ROCK2: variants seen among roughly 807,000 people sequenced by gnomAD.
ROCK2 encodes the protein Rho associated coiled-coil containing protein kinase 2, also known as rho-associated protein kinase 2.
Under a neutral mutation model 195.1 loss-of-function variants are expected in ROCK2, and 61 were observed. That is an observed-to-expected ratio of 0.31 (90% CI 0.25 to 0.39). The LOEUF (loss-of-function observed/expected upper bound fraction) is 0.39, where lower values mean the gene tolerates loss of function less well. Among genes scored for constraint, ROCK2 ranks in the 10% least tolerant of loss-of-function variants. ROCK2 has a pLI of 1.00. For missense variants in ROCK2, 1,109 were observed against 1,637.4 expected (o/e 0.68, Z 5.57); for synonymous variants, 504 against 545.5 (o/e 0.92, Z 1.06).
intron 3 of ROCK2, among the ~76,000 whole-genome samples, chr2:11,262,633 C>T (rs146380738): frequency 0.014 from 2,204 of 152,208 alleles, 59 homozygotes; most frequent in African/African-American, 0.05. Context: ...TGCTGCCATC[C>T]ATGTAAGATG....
intron 5 of ROCK2, among the ~76,000 whole-genome samples, chr2:11,227,910 A>C (rs1003898611): frequency 1.3e-5 from 2 of 152,224 alleles, no homozygotes; most frequent in Non-Finnish European, 2.9e-5. Flanking sequence ...CAAATGTTTA[A>C]ATTAAAAGAT....
chr2:11,295,906 G>A (rs1480805425), intron 1 of ROCK2, among the ~76,000 whole-genome samples: 5 of 150,982 alleles, frequency 3.3e-5, no homozygotes, highest in East Asian at 2.0e-4. Context: ...GCAGTGAGCC[G>A]AGATCGCGCC....
intron 9 of ROCK2, among the ~76,000 whole-genome samples, chr2:11,219,861 CTTTTTT>C (rs11437412): frequency 2.5e-4 from 34 of 134,716 alleles, no homozygotes; most frequent in African/African-American, 8.8e-4. Flanking sequence ...CCAAAACTCA[CTTTTTT>C]TTTTTTTTTT....
intron 1 of ROCK2, among the ~76,000 whole-genome samples, chr2:11,327,609 C>A (rs955570359): frequency 1.3e-5 from 2 of 152,168 alleles, no homozygotes; most frequent in Non-Finnish European, 2.9e-5. Flanking sequence ...GTCACCCAGG[C>A]TAGAGTGCAA....
At chr2:11,304,728 A>G (rs1237998949) in intron 1 of ROCK2, among the ~76,000 whole-genome samples, 1 of 152,082 alleles carries the variant, frequency 6.6e-6, no homozygotes, top group Non-Finnish European at 1.5e-5. Context: ...CTCACCTCCC[A>G]TTACTTTCTG....
At chr2:11,232,676 A>G (rs1462391756) in intron 5 of ROCK2, among the ~76,000 whole-genome samples, 1 of 152,178 alleles carries the variant, frequency 6.6e-6, no homozygotes, top group Non-Finnish European at 1.5e-5. Flanking sequence ...AGTATTTGTT[A>G]AAGAACACCT....
At chr2:11,252,266 C>T (rs1403428960) in intron 3 of ROCK2, among the ~76,000 whole-genome samples, 1 of 151,962 alleles carries the variant, frequency 6.6e-6, no homozygotes, top group African/African-American at 2.4e-5. Context: ...CAAAAATTAG[C>T]TTGGCATGGT....
intron 27 of ROCK2, chr2:11,195,325 A>C (rs1231288209): frequency 5.7e-6 from 1 of 174,422 alleles, no homozygotes; most frequent in African/African-American, 2.4e-5. Flanking sequence ...TGCCAAAAAA[A>C]AAAAAAAGGC....
chr2:11,263,650 G>GGC (rs1322807728), intron 3 of ROCK2, among the ~76,000 whole-genome samples: 4 of 54,494 alleles, frequency 7.3e-5, no homozygotes, highest in East Asian at 1.4e-3. Context: ...TATAGCACAA[G>GGC]GCACACACAC....
chr2:11,275,695 C>CTT (rs70953379), intron 3 of ROCK2, among the ~76,000 whole-genome samples: 4,221 of 110,122 alleles, frequency 0.038, 156 homozygotes, highest in Non-Finnish European at 0.06. Flanking sequence ...ATTCAACAAT[C>CTT]TTTTTTTTTT....
chr2:11,182,039 C>CAA lies in ROCK2; in HGVS notation c.*1397_*1398insTT, dbSNP rs1663023720. 1 of 146,846 alleles carries CAA rather than the reference C, an allele frequency of 6.8e-6. No homozygotes were observed. Among genetic ancestry groups the CAA allele is most frequent in the Non-Finnish European group, 1.5e-5 (1 of 65,832 alleles). 9.1% of individuals were successfully genotyped at this position (146,846 alleles called of 1,614,324 possible). A position where few individuals can be genotyped will look rare whatever the true frequency, so the allele number is the denominator to read the frequency against. On this transcript the variant is annotated 3_prime_UTR_variant, in exon 33 of 33. Coordinates refer to ENST00000315872, the MANE Select transcript of ROCK2 (RefSeq NM_004850.5). ...AAACAAAAACAAAAAAAAAACTTTA[C>CAA]GCTTACCATTGCTGCATATTGTTGC...
intron 1 of ROCK2, among the ~76,000 whole-genome samples, chr2:11,295,858 G>C (rs565641961): frequency 6.6e-6 from 1 of 151,992 alleles, no homozygotes; most frequent in Non-Finnish European, 1.5e-5. Context: ...TTGGAAGGCC[G>C]AGGCAGGACA....
chr2:11,226,114 T>C (rs546335498), intron 6 of ROCK2, among the ~76,000 whole-genome samples: 1 of 152,236 alleles, frequency 6.6e-6, no homozygotes, highest in Non-Finnish European at 1.5e-5. Context: ...TTAACTCTAA[T>C]TAATTCCATA....
chr2:11,255,989 A>T (rs1364760456), intron 3 of ROCK2, among the ~76,000 whole-genome samples: 1 of 149,898 alleles, frequency 6.7e-6, no homozygotes, highest in Non-Finnish European at 1.5e-5. Flanking sequence ...CTTCAACACA[A>T]ATCAATCTGA....
intron 27 of ROCK2, among the ~76,000 whole-genome samples, chr2:11,196,045 T>C (rs1263926007): frequency 1.3e-5 from 2 of 152,204 alleles, no homozygotes; most frequent in African/African-American, 4.8e-5. Flanking sequence ...CTTATTTAAC[T>C]TCTATTATGT....
intron 32 of ROCK2, among the ~76,000 whole-genome samples, chr2:11,185,445 C>G (rs1209345889): frequency 1.3e-5 from 2 of 152,186 alleles, no homozygotes; most frequent in Non-Finnish European, 2.9e-5. Flanking sequence ...AAATAGCCAC[C>G]TGGCCAGATG....
chr2:11,268,862 T>A (rs897187816), intron 3 of ROCK2, among the ~76,000 whole-genome samples: 2 of 152,302 alleles, frequency 1.3e-5, no homozygotes, highest in African/African-American at 4.8e-5. Flanking sequence ...ATATTTTGTC[T>A]CTTTCTTCTT....
chr2:11,183,586 A>G, intron 32 of ROCK2, 146 bp from the exon 33 acceptor site: 1 of 590,208 alleles, frequency 1.7e-6, no homozygotes. Flanking sequence ...ATGCATAAAC[A>G]TACTTACTGT....
At chr2:11,262,091 A>C (rs1339026989) in intron 3 of ROCK2, among the ~76,000 whole-genome samples, 1 of 152,202 alleles carries the variant, frequency 6.6e-6, no homozygotes, top group East Asian at 1.9e-4. Flanking sequence ...GTATGACATG[A>C]ATTTCCCGTC....
Sources: allele counts gnomAD v4.1 joint callset (sites outside exome capture counted in the v4.1 genomes callset), GRCh38; gene constraint gnomAD v4.1.1; transcripts MANE v1.5; gene names NCBI Gene and HGNC (gene_info 2026-07-23, HGNC 2026-07-21).